Variants in WWC2 observed in about 807,000 individuals in gnomAD.
The protein encoded by WWC2 is WW and C2 domain containing 2, also known as protein WWC2.
A neutral mutation model predicts 138.5 loss-of-function variants in WWC2; 101 were observed. The ratio of observed to expected loss-of-function variants is 0.73; its 90% CI spans 0.62 to 0.86. The LOEUF (loss-of-function observed/expected upper bound fraction) is 0.86, where lower values mean the gene tolerates loss of function less well. Ranked by LOEUF, WWC2 falls within the 40% of genes least tolerant of loss-of-function variation. The pLI, the probability that WWC2 is intolerant of heterozygous loss-of-function variation, is 0.00. For synonymous variants in WWC2, 558 were observed against 538.4 expected, an observed-to-expected ratio of 1.04 and a Z score of -0.50; for missense variants, 1,420 against 1,419.4, an observed-to-expected ratio of 1.00 and a Z score of -0.01.
chr4:183,108,172 G>C (rs1732103905), intron 1 of WWC2, among the ~76,000 whole-genome samples: 1 of 152,042 alleles, frequency 6.6e-6, no homozygotes, highest in African/African-American at 2.4e-5. Context: ...TATATGTGAA[G>C]AATTAAATTT....
chr4:183,315,924 T>A lies in WWC2; in HGVS notation c.*195T>A. 2.0e-6 allele frequency: 1 copy of A among 500,472 alleles called. No homozygotes were observed. The highest frequency in any genetic ancestry group is 3.6e-6 in the Non-Finnish European group (1 of 280,306). The allele number at this position is 500,472 out of a possible 1,614,324, so 31.0% of individuals were successfully genotyped here. ...ACCTTGAGTGTAATTTTTATATGCT[T>A]AAAAAAGAAAAAATCATATAAGAAA... On this transcript the variant is annotated 3_prime_UTR_variant, in exon 23 of 23. Transcript: ENST00000403733.
rs774184335 is a variant in WWC2, at chr4:183,261,163, C to T, written c.1540C>T (p.Pro514Ser). 2 of 1,613,828 alleles carry T rather than the reference C, an allele frequency of 1.2e-6. No homozygotes were observed. Among genetic ancestry groups the T allele is most frequent in the Admixed American group, 1.7e-5 (1 of 60,008 alleles). Residue 514 changes from proline to serine, a missense_variant, in exon 11 of 23, where the codon CCT becomes TCT. Physicochemically the swap from Pro to Ser is moderately conservative, Grantham distance 74. Transcript: ENST00000403733. ...CCATGAAAACGAGGTGGTCAAGTCC[C>T]CTAGCCAGCCTGGCCAGAGTGGACT... is the stretch of plus-strand genomic sequence containing the variant. ...TIHENEVVKSPSQPGQSGLCG... is the reference protein window; with the variant it reads ...TIHENEVVKSSSQPGQSGLCG...
chr4:183,140,552 C>T (rs1223446658), intron 1 of WWC2, among the ~76,000 whole-genome samples: 1 of 152,190 alleles, frequency 6.6e-6, no homozygotes, highest in African/African-American at 2.4e-5. Flanking sequence ...TGGGAAGATA[C>T]TGACTCACGT....
intron 1 of WWC2, among the ~76,000 whole-genome samples, chr4:183,147,483 AC>A (rs1005740785): frequency 6.6e-6 from 1 of 152,196 alleles, no homozygotes; most frequent in African/African-American, 2.4e-5. Flanking sequence ...GGTGAGAAGC[AC>A]TCAGATCACT....
Position 183,099,296 on chromosome 4 carries a change from A to G in WWC2, c.-196A>G, listed in dbSNP as rs1225308371. 3 of 361,466 alleles carry G rather than the reference A, an allele frequency of 8.3e-6. No individual in the cohort carries two copies. The highest frequency in any genetic ancestry group is 1.3e-5 in the Non-Finnish European group (3 of 233,342). 22.4% of individuals were successfully genotyped at this position (361,466 alleles called of 1,614,324 possible). A position where few individuals can be genotyped will look rare whatever the true frequency, so the allele number is the denominator to read the frequency against. On this transcript the variant is annotated 5_prime_UTR_variant, in exon 1 of 23. The change abolishes the stop of an existing upstream ORF in the 5' untranslated region. Transcript: ENST00000403733. ...GCTCCGACGCAGACATGGTGGACTG[A>G]TCCGCAGCGGGGCCGCGAACAGCGT...
intron 1 of WWC2, among the ~76,000 whole-genome samples, chr4:183,147,577 G>C (rs1432140520): frequency 2.0e-5 from 3 of 152,174 alleles, no homozygotes; most frequent in African/African-American, 2.4e-5. Flanking sequence ...TCTGTCACTG[G>C]TAAAACCCCT....
At chr4:183,107,598 A>G (rs1421431123) in intron 1 of WWC2, among the ~76,000 whole-genome samples, 11 of 152,044 alleles carry the variant, frequency 7.2e-5, no homozygotes, top group Non-Finnish European at 7.4e-5. Context: ...AGCTGTTGCT[A>G]TTCTGCCCCC....
intron 5 of WWC2, among the ~76,000 whole-genome samples, chr4:183,243,093 C>T (rs1736669046): frequency 6.6e-6 from 1 of 152,194 alleles, no homozygotes; most frequent in South Asian, 2.1e-4. Context: ...ATTCAAAGCT[C>T]TCTGAAATTT....
At chr4:183,160,433 A>G (rs1733931973) in intron 1 of WWC2, among the ~76,000 whole-genome samples, 1 of 152,252 alleles carries the variant, frequency 6.6e-6, no homozygotes, top group Admixed American at 6.5e-5. Flanking sequence ...CAAATGTGGG[A>G]TGAGAGGTAG....
Position 183,249,946 on chromosome 4 carries a change from A to C in WWC2, c.906A>C (p.Leu302Phe). 6.2e-7 allele frequency: 1 copy of C among 1,613,800 alleles called. No homozygotes were observed. The change falls in exon 8 of 23, where the codon TTA becomes TTC. Residue 302 changes from leucine (L) to phenylalanine (F), a missense_variant. Leu to Phe is a conservative substitution (Grantham distance 22). Coordinates refer to ENST00000403733, the MANE Select transcript of WWC2 (RefSeq NM_024949.6). The part of the protein sequence containing the change: ...GDIGVRSRSN[L>F]AEKVRLSLQY... ...TTGGAGTAAGAAGTAGATCAAATTT[A>C]GCTGAAAAGGTCAGGCTAAGCCTAC... is the stretch of plus-strand genomic sequence containing the variant.
At chr4:183,264,881 TATTTTGG>T in intron 11 of WWC2, 90 bp from the exon 12 acceptor site, 3 of 1,247,996 alleles carry the variant, frequency 2.4e-6, no homozygotes, top group Non-Finnish European at 2.1e-6. Flanking sequence ...AAGGAAATCT[TATTTTGG>T]ATTGCTCATG....
intron 1 of WWC2, among the ~76,000 whole-genome samples, chr4:183,184,937 C>T (rs1247763476): frequency 1.3e-5 from 2 of 151,886 alleles, no homozygotes; most frequent in Non-Finnish European, 2.9e-5. Context: ...GTTTTCATAA[C>T]AGAGATACTT....
At chr4:183,165,135 C>G (rs1441206906) in intron 1 of WWC2, among the ~76,000 whole-genome samples, 3 of 151,994 alleles carry the variant, frequency 2.0e-5, no homozygotes, top group Non-Finnish European at 4.4e-5. Flanking sequence ...GAATTCAAAT[C>G]ATGGTTGGGC....
intron 21 of WWC2, among the ~76,000 whole-genome samples, chr4:183,294,755 T>G (rs1738576915): frequency 1.2e-5 from 1 of 85,308 alleles, no homozygotes; most frequent in Non-Finnish European, 3.2e-5. Flanking sequence ...ACTGTTTTCC[T>G]GAGTGTTTTT....
intron 1 of WWC2, among the ~76,000 whole-genome samples, chr4:183,134,390 T>C (rs1733047229): frequency 6.6e-6 from 1 of 152,116 alleles, no homozygotes; most frequent in African/African-American, 2.4e-5. Flanking sequence ...TTAAAAGTTA[T>C]GCTTATTAGA....
intron 1 of WWC2, among the ~76,000 whole-genome samples, chr4:183,172,123 C>G (rs1009958062): frequency 2.6e-5 from 4 of 152,188 alleles, no homozygotes; most frequent in Admixed American, 6.5e-5. Context: ...AATCTCCTTT[C>G]AGTACATTCC....
At chr4:183,268,900 T>C in intron 14 of WWC2, 71 bp from the exon 15 acceptor site, 1 of 1,425,526 alleles carries the variant, frequency 7.0e-7, no homozygotes, top group Non-Finnish European at 9.6e-7. Context: ...TGCAGATAAT[T>C]TCAAATGATA....
chr4:183,191,513 T>G (rs984657618), intron 1 of WWC2, among the ~76,000 whole-genome samples: 106 of 152,290 alleles, frequency 7.0e-4, no homozygotes, highest in Non-Finnish European at 7.4e-5. Context: ...GGCTAATAAC[T>G]TGCTCTAGGT....
At chr4:183,266,332 T>G (rs1704622176) in intron 14 of WWC2, among the ~76,000 whole-genome samples, 1 of 152,250 alleles carries the variant, frequency 6.6e-6, no homozygotes, top group East Asian at 1.9e-4. Flanking sequence ...TTAAATTTTA[T>G]GTATCTGTAC....
Sources: gnomAD v4.1 joint callset for allele counts (sites outside exome capture counted in the v4.1 genomes callset) on GRCh38, gnomAD v4.1.1 for gene constraint, MANE v1.5 for transcripts, NCBI Gene and HGNC (gene_info 2026-07-23, HGNC 2026-07-21) for gene names.